The following MED27 variants were observed in gnomAD, a reference collection of about 807,000 sequenced individuals.
MED27 encodes the protein mediator of RNA polymerase II transcription subunit 27.
In MED27, 30 loss-of-function variants were observed where a neutral mutation model predicts 38.2. That is an observed-to-expected ratio of 0.79 (90% CI 0.59 to 1.07). MED27 has a LOEUF of 1.07. Among genes scored for constraint, MED27 ranks in the 50% least tolerant of loss-of-function variants. MED27 has a pLI of 0.00. For missense variants in MED27, 289 were observed against 397.5 expected, an observed-to-expected ratio of 0.73 and a Z score of 2.32; for synonymous variants, 122 against 153.5, an observed-to-expected ratio of 0.79 and a Z score of 1.52.
chr9:131,925,469 C>T (rs752622250), intron 4 of MED27, among the ~76,000 whole-genome samples: 1 of 151,954 alleles, frequency 6.6e-6, no homozygotes, highest in African/African-American at 2.4e-5. Flanking sequence ...AGAAATAAAT[C>T]GAATGACCAT....
intron 2 of MED27, among the ~76,000 whole-genome samples, chr9:132,061,380 C>T (rs1056846539): frequency 2.6e-5 from 4 of 152,334 alleles, no homozygotes; most frequent in African/African-American, 9.6e-5. Flanking sequence ...CCACACTTTA[C>T]ACCTTTTGAC....
chr9:131,994,327 G>A (rs1832044041), intron 3 of MED27, among the ~76,000 whole-genome samples: 1 of 152,296 alleles, frequency 6.6e-6, no homozygotes, highest in East Asian at 1.9e-4. Context: ...TACCAGAGTA[G>A]GGAAGGCCGA....
At chr9:132,063,417 A>C (rs934545621) in intron 2 of MED27, among the ~76,000 whole-genome samples, 1 of 152,232 alleles carries the variant, frequency 6.6e-6, no homozygotes, top group African/African-American at 2.4e-5. Flanking sequence ...TCTCACTAGG[A>C]AATTACCACG....
At chr9:132,041,696 T>A (rs1225191146) in intron 2 of MED27, among the ~76,000 whole-genome samples, 1 of 152,194 alleles carries the variant, frequency 6.6e-6, no homozygotes, top group Non-Finnish European at 1.5e-5. Context: ...TTTTAAATAG[T>A]CAAATAGTCA....
intron 4 of MED27, among the ~76,000 whole-genome samples, chr9:131,895,968 G>C (rs56319825): frequency 0.11 from 16,431 of 151,098 alleles, 1,146 homozygotes; most frequent in Non-Finnish European, 0.16. Context: ...GTGTGATCTC[G>C]GCTCACTGCA....
At chr9:131,891,539 A>T (rs1255573371) in intron 5 of MED27, among the ~76,000 whole-genome samples, 2 of 152,260 alleles carry the variant, frequency 1.3e-5, no homozygotes, top group Non-Finnish European at 2.9e-5. Context: ...GCACATCAGC[A>T]AACTGGTTTC....
chr9:132,006,896 C>T (rs529874850), intron 3 of MED27, among the ~76,000 whole-genome samples: 8 of 152,298 alleles, frequency 5.3e-5, no homozygotes, highest in African/African-American at 1.9e-4. Context: ...CAAAAAACAA[C>T]ATGAGCCTCT....
intron 2 of MED27, among the ~76,000 whole-genome samples, chr9:132,053,253 CA>C (rs530638575): frequency 0.044 from 3,870 of 87,482 alleles, 46 homozygotes; most frequent in Middle Eastern, 0.096. Context: ...ACTCCCGTCT[CA>C]AAAAAAAAAA....
chr9:131,860,488 G>A lies in MED27; in HGVS notation c.*50C>T, dbSNP rs571930129. On this transcript the variant is annotated 3_prime_UTR_variant, in exon 8 of 8. Transcript: ENST00000292035. The surrounding 1 kb of genome is among the most constrained non-coding windows in gnomAD (Gnocchi z 5.8). ...GCTGAGCCTTCTGTGGGCTTCCTGC[G>A]TGTCTGGGAAGGTGCTGGGTGGGGT... 23 of 1,466,844 alleles carry A rather than the reference G, an allele frequency of 1.6e-5. No individual in the cohort carries two copies. Among genetic ancestry groups the A allele is most frequent in the South Asian group, 4.3e-5 (3 of 69,412 alleles). 90.9% of individuals were successfully genotyped at this position (1,466,844 alleles called of 1,614,324 possible). A position where few individuals can be genotyped will look rare whatever the true frequency, so the allele number is the denominator to read the frequency against.
rs967087834 is a variant in MED27 at position 132,000,752 on chromosome 9, A to T, written c.479+13585T>A. Among the ~76,000 whole-genome samples the T allele has an allele frequency of 1.1e-3, 158 of 142,950 alleles. 1 individual carries two copies. Among genetic ancestry groups the T allele is most frequent in the African/African-American group, 2.1e-3 (80 of 39,020 alleles). 93.8% of individuals were successfully genotyped at this position (142,950 alleles called of 152,430 possible). ...TAGAAAAGTCAGATTTTAAAAAAAA[A>T]TTTTTTTTTTTTTTTTAGAGATGGG... On this transcript the variant is annotated intron_variant, in intron 3 of 7. Coordinates refer to ENST00000292035, the MANE Select transcript of MED27 (RefSeq NM_004269.4).
At chr9:132,012,787 G>C (rs890476690) in intron 3 of MED27, among the ~76,000 whole-genome samples, 1 of 152,080 alleles carries the variant, frequency 6.6e-6, no homozygotes, top group East Asian at 1.9e-4. Flanking sequence ...GTGCTTGTTT[G>C]GTCTCCTCCC....
At position 132,048,784 on chromosome 9, in the gene MED27, G is replaced by A. The variant is rs1010875647; in HGVS notation, c.348+28658C>T. 2.6e-5 allele frequency among the ~76,000 whole-genome samples: 4 copies of A among 152,224 alleles called. No homozygotes were observed. In the South Asian group the frequency reaches 8.3e-4, roughly 32 times the overall value. ...GTGGCGGGCAGGGCTTTGGCAGCAT[G>A]CTGGGGTGTCATGCCATTCATGGTA... On this transcript the variant is annotated intron_variant, in intron 2 of 7. Transcript: ENST00000292035.
At chr9:131,954,747 G>A (rs1831063210) in intron 3 of MED27, among the ~76,000 whole-genome samples, 1 of 152,070 alleles carries the variant, frequency 6.6e-6, no homozygotes, top group Non-Finnish European at 1.5e-5. Flanking sequence ...CAGAGAAAGG[G>A]GACAACTTCA....
At chr9:132,072,141 G>A (rs189408865) in intron 2 of MED27, among the ~76,000 whole-genome samples, 24 of 152,256 alleles carry the variant, frequency 1.6e-4, no homozygotes, top group African/African-American at 5.3e-4. Context: ...AGTAACACAC[G>A]TTCCATAAAT....
chr9:131,976,503 G>C (rs1831610992), intron 3 of MED27, among the ~76,000 whole-genome samples: 1 of 152,190 alleles, frequency 6.6e-6, no homozygotes, highest in South Asian at 2.1e-4. Context: ...ATTATTCCCA[G>C]GACCCTGAGT....
chr9:132,037,552 G>A (rs753452343), intron 2 of MED27, among the ~76,000 whole-genome samples: 3 of 152,170 alleles, frequency 2.0e-5, no homozygotes, highest in East Asian at 3.9e-4. Context: ...TCCTTGGAGC[G>A]GTTGGTAATT....
intron 1 of MED27, 89 bp downstream of exon 1, chr9:132,079,553 C>T: frequency 8.2e-7 from 1 of 1,216,902 alleles, no homozygotes; most frequent in Non-Finnish European, 1.2e-6. Flanking sequence ...AAACGGAGAA[C>T]AGCCCCTGCC....
At chr9:131,967,796 C>T (rs1051854221) in intron 3 of MED27, among the ~76,000 whole-genome samples, 95 of 151,722 alleles carry the variant, frequency 6.3e-4, no homozygotes, top group African/African-American at 2.0e-3. Context: ...CAGGCGTGAG[C>T]CACTGTGCCC....
chr9:132,070,429 T>C (rs951670296), intron 2 of MED27, among the ~76,000 whole-genome samples: 1 of 152,116 alleles, frequency 6.6e-6, no homozygotes, highest in African/African-American at 2.4e-5. Flanking sequence ...TGGGTGTGCA[T>C]GCTTGTAGTC....
Sources: gnomAD v4.1 joint callset for allele counts (sites outside exome capture counted in the v4.1 genomes callset) on GRCh38, gnomAD v4.1.1 for gene constraint, Gnocchi (gnomAD v3.1) non-coding constraint, MANE v1.5 for transcripts, NCBI Gene and HGNC (gene_info 2026-07-23, HGNC 2026-07-21) for gene names.